Variants in KTN1 observed in about 807,000 individuals in gnomAD.
KTN1 encodes the protein kinectin 1.
KTN1 carries 130 observed loss-of-function variants against 222.5 expected under a neutral mutation model. That is an observed-to-expected ratio of 0.58 (90% confidence interval 0.51 to 0.68). The LOEUF is 0.68. Ranked by LOEUF, KTN1 falls within the 30% of genes least tolerant of loss-of-function variation. The pLI is 0.00. For missense variants in KTN1, 1,508 were observed against 1,500.4 expected (o/e 1.01, Z -0.08); for synonymous variants, 512 against 496.3 (o/e 1.03, Z -0.42).
chr14:55,588,234 T>C (rs960292276), intron 1 of KTN1, among the ~76,000 whole-genome samples: 2 of 152,154 alleles, frequency 1.3e-5, no homozygotes, highest in African/African-American at 4.8e-5. Flanking sequence ...ACTAAGAAAA[T>C]CATAAGAGAC....
intron 1 of KTN1, among the ~76,000 whole-genome samples, chr14:55,590,670 C>G (rs1042111553): frequency 6.6e-6 from 1 of 151,144 alleles, no homozygotes; most frequent in East Asian, 1.9e-4. Flanking sequence ...ACCTTGTTAT[C>G]AGGATATTCT....
chr14:55,631,961 G>T (rs1180934716), intron 7 of KTN1, among the ~76,000 whole-genome samples: 1 of 151,594 alleles, frequency 6.6e-6, no homozygotes, highest in Non-Finnish European at 1.5e-5. Flanking sequence ...TGATAATATC[G>T]CTAGTCTGCT....
At chr14:55,612,648 T>G in intron 2 of KTN1, 77 bp downstream of exon 2, 2 of 1,154,786 alleles carry the variant, frequency 1.7e-6, no homozygotes, top group Non-Finnish European at 2.4e-6. Context: ...GTTAGGTACA[T>G]ACACAGAATG....
intron 41 of KTN1, 70 bp downstream of exon 41, chr14:55,675,988 A>G: frequency 1.0e-6 from 1 of 979,032 alleles, no homozygotes; most frequent in East Asian, 2.5e-5. Flanking sequence ...AAGCAAACTT[A>G]TGCTGCTAAT....
At chr14:55,603,267 T>A (rs1212421557) in intron 1 of KTN1, among the ~76,000 whole-genome samples, 1 of 152,206 alleles carries the variant, frequency 6.6e-6, no homozygotes, top group South Asian at 2.1e-4. Flanking sequence ...CTTATTTCTC[T>A]GCATCCTTTC....
intron 1 of KTN1, among the ~76,000 whole-genome samples, chr14:55,594,475 T>G (rs2034676445): frequency 1.3e-5 from 2 of 151,956 alleles, no homozygotes; most frequent in Admixed American, 1.3e-4. Flanking sequence ...TTGGAGTTGC[T>G]GTTCCCACTC....
At chr14:55,634,436 C>G in intron 8 of KTN1, 90 bp from the exon 9 acceptor site, 1 of 1,199,350 alleles carries the variant, frequency 8.3e-7, no homozygotes, top group Non-Finnish European at 1.1e-6. Flanking sequence ...ACTACTAGCT[C>G]AGCTCAGCAA....
intron 2 of KTN1, among the ~76,000 whole-genome samples, chr14:55,615,421 T>C (rs1379830185): frequency 6.6e-6 from 1 of 151,738 alleles, no homozygotes; most frequent in Non-Finnish European, 1.5e-5. Flanking sequence ...CCTTCTACTT[T>C]CTGTCTTTAT....
At chr14:55,651,645 A>G (rs2042940434) in intron 24 of KTN1, 1 of 471,002 alleles carries the variant, frequency 2.1e-6, no homozygotes, top group Admixed American at 3.7e-5. Context: ...GAAAAAAAGC[A>G]TCACATTAGT....
chr14:55,669,641 A>T (rs1034600132), intron 34 of KTN1, among the ~76,000 whole-genome samples: 1 of 151,958 alleles, frequency 6.6e-6, no homozygotes, highest in African/African-American at 2.4e-5. Context: ...AAGCAACAAA[A>T]CTAGTTTTTT....
Position 55,633,286 on chromosome 14 carries a change from G to A in KTN1, c.1273G>A (p.Glu425Lys). 6.3e-7 allele frequency: 1 copy of A among 1,598,970 alleles called. No homozygotes were observed. Among genetic ancestry groups the A allele is most frequent in the Non-Finnish European group, 8.5e-7 (1 of 1,172,720 alleles). Residue 425 changes from glutamate (E) to lysine (K), a missense_variant, in exon 8 of 44, where the codon GAA (glutamate) becomes AAA (lysine). By Grantham distance (56) the Glu-to-Lys change is moderately conservative. Transcript: ENST00000395314. ...GGCAGAGATAGCTCACTTGAAGCAG[G>A]AAAATGGTATACTGAGAGATGCAGT... Reference protein sequence around the residue: ...MEAEIAHLKQENGILRDAVSN... With the variant: ...MEAEIAHLKQKNGILRDAVSN...
chr14:55,673,351 A>G lies in KTN1; in HGVS notation c.3771+96A>G, dbSNP rs542659238. 711 of 697,406 alleles carry G rather than the reference A, an allele frequency of 1.0e-3. 1 individual carries two copies. Among genetic ancestry groups the G allele is most frequent in the Middle Eastern group, 1.5e-3 (6 of 4,078 alleles). The allele number at this position is 697,406 out of a possible 1,614,324, so 43.2% of individuals were successfully genotyped here. On this transcript the variant is annotated intron_variant, in intron 40 of 43. Transcript: ENST00000395314. Reference sequence around the variant, plus strand: ...TCCAGGCTTTTTTTTCTTTGCTAACATCTTTAGCTTGGCCTTTTTGTAAGT... The same window carrying G: ...TCCAGGCTTTTTTTTCTTTGCTAACGTCTTTAGCTTGGCCTTTTTGTAAGT...
intron 41 of KTN1, among the ~76,000 whole-genome samples, chr14:55,677,856 A>G (rs1049191060): frequency 4.6e-5 from 7 of 152,154 alleles, no homozygotes; most frequent in Admixed American, 2.0e-4. Flanking sequence ...GTGCCACCAC[A>G]CCTGGCTAAT....
In KTN1 at chr14:55,675,823, T is replaced by C. The variant is rs199897222; in HGVS notation, c.3772-12T>C. On this transcript the variant is annotated splice_polypyrimidine_tract_variant and intron_variant, in intron 40 of 43. Transcript: ENST00000395314. ...AAATTAAGTTAATTGTGGTGTTCCTTTATTTTTACAGTTGAAGGCACAGTT... is the reference window on the plus strand; with the variant it reads ...AAATTAAGTTAATTGTGGTGTTCCTCTATTTTTACAGTTGAAGGCACAGTT... 1.3e-4 allele frequency: 201 copies of C among 1,577,728 alleles called. No individual in the cohort carries two copies. Among genetic ancestry groups the C allele is most frequent in the Non-Finnish European group, 1.6e-4 (184 of 1,147,558 alleles).
chr14:55,682,106 T>C (rs1273283651), intron 43 of KTN1: 1 of 152,194 alleles, frequency 6.6e-6, no homozygotes, highest in Non-Finnish European at 1.5e-5. Context: ...AGAGTTGTTT[T>C]TAAAAACAAA....
intron 1 of KTN1, chr14:55,601,746 C>G (rs2036002074): frequency 6.6e-6 from 1 of 151,818 alleles, no homozygotes; most frequent in Non-Finnish European, 1.5e-5. Flanking sequence ...TATATTTTTT[C>G]TTTTTTTCAG....
chr14:55,672,721 T>A lies in KTN1; in HGVS notation c.3603+20T>A. 1 of 1,486,844 alleles carries A rather than the reference T, an allele frequency of 6.7e-7. No homozygotes were observed. The highest frequency in any genetic ancestry group is 9.4e-7 in the Non-Finnish European group (1 of 1,065,754). 92.1% of individuals were successfully genotyped at this position (1,486,844 alleles called of 1,614,324 possible). A position where few individuals can be genotyped will look rare whatever the true frequency, so the allele number is the denominator to read the frequency against. The stretch of plus-strand genomic sequence containing the variant: ...GAAAATGTATGTTATTTGATTGTTT[T>A]ACTTGTAACCTATGGATTTGTTTTT... On this transcript the variant is annotated intron_variant, in intron 38 of 43. Coordinates refer to ENST00000395314, the MANE Select transcript of KTN1 (RefSeq NM_001079521.2).
At chr14:55,649,684 G>A (rs1259172174) in intron 21 of KTN1, 92 bp from the exon 22 acceptor site, 8 of 755,012 alleles carry the variant, frequency 1.1e-5, no homozygotes, top group South Asian at 1.6e-5. Flanking sequence ...GATTTTGATT[G>A]TATTGGAAAA....
At chr14:55,672,898 T>C in intron 38 of KTN1, 31 bp from the exon 39 acceptor site, 1 of 1,538,680 alleles carries the variant, frequency 6.5e-7, no homozygotes, top group Non-Finnish European at 9.0e-7. Flanking sequence ...AAATTTTAAG[T>C]GTGTTAACTT....
Sources: gnomAD v4.1 joint callset for allele counts (sites outside exome capture counted in the v4.1 genomes callset) on GRCh38, gnomAD v4.1.1 for gene constraint, MANE v1.5 for transcripts, NCBI Gene and HGNC (gene_info 2026-07-23, HGNC 2026-07-21) for gene names.